The following KCNN2 variants were observed in gnomAD, a reference collection of about 807,000 sequenced individuals.
KCNN2 encodes the protein potassium calcium-activated channel subfamily N member 2.
A neutral mutation model predicts 55.5 loss-of-function variants in KCNN2; 24 were observed. The ratio of observed to expected loss-of-function variants is 0.43; its 90% confidence interval spans 0.31 to 0.61. The LOEUF (loss-of-function observed/expected upper bound fraction) is 0.61, where lower values mean the gene tolerates loss of function less well. Ranked by LOEUF, KCNN2 falls within the 20% of genes least tolerant of loss-of-function variation. The pLI is 0.08. For synonymous variants in KCNN2, 431 were observed against 336.1 expected, an observed-to-expected ratio of 1.28 and a Z score of -3.09; for missense variants, 754 against 853.6, an observed-to-expected ratio of 0.88 and a Z score of 1.45.
upstream of KCNN2, among the ~76,000 whole-genome samples, chr5:114,358,583 G>C (rs1479426587): frequency 2.0e-5 from 3 of 152,234 alleles, no homozygotes; most frequent in East Asian, 5.8e-4. Context: ...TGCTTTAATG[G>C]AACAAAAAGA....
At chr5:114,447,242 G>A (rs1729325796) in intron 3 of KCNN2, among the ~76,000 whole-genome samples, 1 of 152,178 alleles carries the variant, frequency 6.6e-6, no homozygotes, top group African/African-American at 2.4e-5. Flanking sequence ...TTCTTAGCCT[G>A]ATTGGTAGAA....
intron 1 of KCNN2, among the ~76,000 whole-genome samples, chr5:114,094,593 C>G (rs1185373976): frequency 6.6e-6 from 1 of 152,154 alleles, no homozygotes; most frequent in Non-Finnish European, 1.5e-5. Flanking sequence ...AGAAAAGGAA[C>G]AAGTAAAGTG....
At chr5:114,451,750 AG>A (rs769612458) in intron 3 of KCNN2, among the ~76,000 whole-genome samples, 337 of 152,236 alleles carry the variant, frequency 2.2e-3, no homozygotes, top group Non-Finnish European at 4.0e-3. Context: ...CAAAAAAATT[AG>A]CCAGGCATGG....
chr5:114,191,295 T>C (rs948962852), intron 1 of KCNN2, among the ~76,000 whole-genome samples: 1 of 152,178 alleles, frequency 6.6e-6, no homozygotes, highest in Non-Finnish European at 1.5e-5. Context: ...GAGGCATTTA[T>C]TCTTTCACCC....
intron 2 of KCNN2, among the ~76,000 whole-genome samples, chr5:114,315,505 CTTA>C (rs1756485795): frequency 6.7e-6 from 1 of 148,948 alleles, no homozygotes. Flanking sequence ...GTGGACTATT[CTTA>C]TTATTTGTGA....
At chr5:114,186,522 C>G (rs1035985724) in intron 1 of KCNN2, among the ~76,000 whole-genome samples, 2 of 151,932 alleles carry the variant, frequency 1.3e-5, no homozygotes, top group East Asian at 3.9e-4. Context: ...AGGCTGAGCT[C>G]AAAAACAAAA....
chr5:114,212,548 T>A (rs1753909469), intron 1 of KCNN2, among the ~76,000 whole-genome samples: 3 of 152,026 alleles, frequency 2.0e-5, no homozygotes, highest in Non-Finnish European at 4.4e-5. Flanking sequence ...AAAGCTGTTA[T>A]AAAAAGTTTT....
At chr5:114,211,796 C>G (rs1284070175) in intron 1 of KCNN2, among the ~76,000 whole-genome samples, 1 of 151,922 alleles carries the variant, frequency 6.6e-6, no homozygotes, top group African/African-American at 2.4e-5. Flanking sequence ...GTTGCATATA[C>G]CTTATTTCTA....
At chr5:114,403,887 G>A (rs530975125) in intron 2 of KCNN2, among the ~76,000 whole-genome samples, 2 of 152,174 alleles carry the variant, frequency 1.3e-5, no homozygotes, top group African/African-American at 2.4e-5. Context: ...TAGAGTAGTC[G>A]TGGGGAAACT....
chr5:114,309,399 A>T (rs886269282), intron 2 of KCNN2, among the ~76,000 whole-genome samples: 1 of 152,120 alleles, frequency 6.6e-6, no homozygotes, highest in Non-Finnish European at 1.5e-5. Context: ...TTTCCTCACA[A>T]ATTATATATT....
intron 3 of KCNN2, among the ~76,000 whole-genome samples, chr5:114,441,097 A>T (rs767374776): frequency 3.9e-5 from 6 of 152,216 alleles, no homozygotes; most frequent in Non-Finnish European, 5.9e-5. Flanking sequence ...GAATAAAAAA[A>T]GATCACTACA....
At position 114,241,790 on chromosome 5, in the gene KCNN2, ATATGTATATATATACG is replaced by A. The variant is rs1754641769; in HGVS notation, c.-185+20229_-185+20244del. ...TATATATATACATATATACGTATATATATGTATATATATACGTATATATATATATGTGTGTATATAT... is the reference window on the plus strand; with the variant it reads ...TATATATATACATATATACGTATATATATATATATATATGTGTGTATATAT... On this transcript the variant is annotated intron_variant, in intron 2 of 10. Transcript: ENST00000512097. Among the ~76,000 whole-genome samples, 2 of 15,846 alleles carry A rather than the reference ATATGTATATATATACG, an allele frequency of 1.3e-4. 1 individual carries two copies. Among genetic ancestry groups the A allele is most frequent in the Non-Finnish European group, 2.3e-4 (2 of 8,858 alleles). The allele number at this position is 15,846 out of a possible 152,430, so 10.4% of individuals were successfully genotyped here.
upstream of KCNN2, chr5:114,360,969 A>C (rs541879539): frequency 2.2e-4 from 33 of 153,448 alleles, no homozygotes; most frequent in African/African-American, 7.7e-4. Context: ...GAGAAGCAGA[A>C]GAGCAGCTGG....
intron 2 of KCNN2, among the ~76,000 whole-genome samples, chr5:114,319,427 TG>T (rs2150028834): frequency 6.6e-6 from 1 of 152,318 alleles, no homozygotes; most frequent in African/African-American, 2.4e-5. Flanking sequence ...GTTGGCTGTT[TG>T]CCTCAGCACA....
intron 4 of KCNN2, among the ~76,000 whole-genome samples, chr5:114,468,885 A>AT (rs996575339): frequency 6.6e-6 from 1 of 152,118 alleles, no homozygotes; most frequent in African/African-American, 2.4e-5. Context: ...TCTTGGAAGT[A>AT]TTTGCAGGAT....
intron 2 of KCNN2, among the ~76,000 whole-genome samples, chr5:114,295,212 C>T (rs1240992381): frequency 8.5e-5 from 13 of 152,284 alleles, no homozygotes; most frequent in East Asian, 3.9e-4. Flanking sequence ...CTGGGAGAAC[C>T]GCTACTCTCT....
chr5:114,134,900 T>C (rs935606179), intron 1 of KCNN2, among the ~76,000 whole-genome samples: 6 of 152,106 alleles, frequency 3.9e-5, no homozygotes, highest in African/African-American at 1.4e-4. Flanking sequence ...TCCAAAATAA[T>C]AGGAAAAGCA....
chr5:114,150,694 C>T (rs1333023483), intron 1 of KCNN2, among the ~76,000 whole-genome samples: 1 of 152,144 alleles, frequency 6.6e-6, no homozygotes, highest in African/African-American at 2.4e-5. Context: ...CTGTATCTTA[C>T]AGGACTCAGA....
intron 2 of KCNN2, among the ~76,000 whole-genome samples, chr5:114,269,413 A>G (rs989445395): frequency 6.6e-6 from 1 of 152,040 alleles, no homozygotes; most frequent in African/African-American, 2.4e-5. Flanking sequence ...GAACATAGGT[A>G]AAGGGGTTTC....
Sources: allele counts gnomAD v4.1 joint callset (sites outside exome capture counted in the v4.1 genomes callset), GRCh38; gene constraint gnomAD v4.1.1; transcripts MANE v1.5; gene names NCBI Gene and HGNC (gene_info 2026-07-23, HGNC 2026-07-21).